KDM6B: variants seen among roughly 807,000 people sequenced by gnomAD.
KDM6B encodes the protein lysine-specific demethylase 6B.
Under a neutral mutation model 150.4 loss-of-function variants are expected in KDM6B, and 22 were observed. The observed-to-expected ratio is 0.15, with a 90% CI of 0.10 to 0.21. KDM6B has a LOEUF of 0.21. Among genes scored for constraint, KDM6B ranks in the 10% least tolerant of loss-of-function variants. The probability of loss-of-function intolerance (pLI) is 1.00; values close to 1 mark genes in which losing one functional copy is unlikely to be tolerated. For missense variants in KDM6B, 1,984 were observed against 2,234.3 expected (o/e 0.89, Z 2.26); for synonymous variants, 1,148 against 921.1 (o/e 1.25, Z -4.46).
chr17:7,852,647 T>C lies in KDM6B; in HGVS notation c.4610+11T>C. 1 of 1,613,968 alleles carries C rather than the reference T, an allele frequency of 6.2e-7. No homozygotes were observed. On this transcript the variant is annotated intron_variant, in intron 21 of 23. Transcript: ENST00000448097. ...GTTCAAGATGATCAAGTGAGGACCC[T>C]ATTTGGGTGGGAGCCCACCTCCACT...
In KDM6B at chr17:7,846,743, GT is replaced by G; in HGVS notation, c.711+4del. 1 of 1,614,064 alleles carries G rather than the reference GT, an allele frequency of 6.2e-7. No individual in the cohort carries two copies. The highest frequency in any genetic ancestry group is 8.5e-7 in the Non-Finnish European group (1 of 1,179,974). On this transcript the variant is annotated splice_donor_region_variant and intron_variant, in intron 9 of 23. Coordinates refer to ENST00000448097, the MANE Select transcript of KDM6B (RefSeq NM_001348716.2). ...GGAGAGGCTGCAACTCTGAACAGGT[GT>G]GGGTATAGGGGGGCCAGCAGGCAGT... is the stretch of plus-strand genomic sequence containing the variant.
Position 7,846,895 on chromosome 17 carries a change from C to CACCACT in KDM6B, c.791_792insACTACC (p.Leu265_Pro266dup). 1 of 1,600,114 alleles carries CACCACT rather than the reference C, an allele frequency of 6.2e-7. No homozygotes were observed. The highest frequency in any genetic ancestry group is 1.1e-5 in the South Asian group (1 of 90,450). On this transcript the variant is annotated inframe_insertion, in exon 10 of 24. Coordinates refer to ENST00000448097, the MANE Select transcript of KDM6B (RefSeq NM_001348716.2). ...CCACCACCACCACCACCACCACCAC[C>CACCACT]ACCCCTGCCTGGCCTGGCTACCAGC...
chr17:7,845,279 G>T (rs966244732), intron 3 of KDM6B, 35 bp from the exon 4 acceptor site: 2 of 577,476 alleles, frequency 3.5e-6, no homozygotes, highest in Admixed American at 5.9e-5. Context: ...ACTGTGTGCT[G>T]GCCAGCTCGT....
Position 7,853,681 on chromosome 17 carries a change from C to CTTTT in KDM6B, c.*172_*175dup. The CTTTT allele has an allele frequency of 3.1e-5, 10 of 320,924 alleles. No individual in the cohort carries two copies. Among genetic ancestry groups the CTTTT allele is most frequent in the Middle Eastern group, 9.0e-4 (1 of 1,112 alleles). 19.9% of individuals were successfully genotyped at this position (320,924 alleles called of 1,614,324 possible). On this transcript the variant is annotated 3_prime_UTR_variant, in exon 24 of 24. Transcript: ENST00000448097. ...CCCTCACTTAATTTATTAAGAAAAA[C>CTTTT]TTTTTTTTTTTTTTTAGCAAATATG...
rs1310579342 is a variant in KDM6B, at chr17:7,851,058, G to C, written c.3711G>C (p.Ala1237=). The stretch of plus-strand genomic sequence containing the variant: ...TCTCCACCAAGACCCTGGTGGAAGC[G>C]AGTGGCGAACACACCGTGGAAGTTC... ...GLFSTKTLVE[A]SGEHTVEVRT... is the part of the protein sequence containing the mutation. The change falls in exon 15 of 24, where the codon GCG becomes GCC. Residue 1237 remains alanine (A), a synonymous_variant. Coordinates refer to ENST00000448097, the MANE Select transcript of KDM6B (RefSeq NM_001348716.2). 2 of 1,612,666 alleles carry C rather than the reference G, an allele frequency of 1.2e-6. No homozygotes were observed. The highest frequency in any genetic ancestry group is 1.7e-6 in the Non-Finnish European group (2 of 1,179,750).
Position 7,853,675 on chromosome 17 carries a change from G to C in KDM6B, c.*154G>C. ...CAGCTCCCCTCACTTAATTTATTAA[G>C]AAAAACTTTTTTTTTTTTTTTAGCA... is the stretch of plus-strand genomic sequence containing the variant. On this transcript the variant is annotated 3_prime_UTR_variant, in exon 24 of 24. Coordinates refer to ENST00000448097, the MANE Select transcript of KDM6B (RefSeq NM_001348716.2). The C allele has an allele frequency of 4.9e-5, 15 of 305,320 alleles. No homozygotes were observed. The highest frequency in any genetic ancestry group is 6.1e-5 in the East Asian group (1 of 16,410). 18.9% of individuals were successfully genotyped at this position (305,320 alleles called of 1,614,324 possible).
At position 7,848,569 on chromosome 17, in the gene KDM6B, A is replaced by ACCACGG. The variant is rs753550798; in HGVS notation, c.2286_2291dup (p.Ala763_Thr764dup). On this transcript the variant is annotated inframe_insertion, in exon 12 of 24. Coordinates refer to ENST00000448097, the MANE Select transcript of KDM6B (RefSeq NM_001348716.2). ...CACCACCACCACCACCACCACCACC[A>ACCACGG]CCACGGCCACCCAGGAAGAGGAGAA... 1.9e-5 allele frequency: 29 copies of ACCACGG among 1,497,478 alleles called. No homozygotes were observed. The highest frequency in any genetic ancestry group is 2.6e-5 in the Non-Finnish European group (29 of 1,108,844). The allele number at this position is 1,497,478 out of a possible 1,614,324, so 92.8% of individuals were successfully genotyped here.
chr17:7,851,300 C>T (rs2078688415), intron 15 of KDM6B, 30 bp from the exon 16 acceptor site: 1 of 1,613,738 alleles, frequency 6.2e-7, no homozygotes, highest in Non-Finnish European at 8.5e-7. Context: ...AGGTCTCTGA[C>T]CCAGGCCTGC....
rs1306092186 is a variant in KDM6B, at chr17:7,843,259, CCGCCCCTGCCTCGGTACT to C, written c.-268-1639_-268-1622del. ...CACGTCTGGTTCTTGGGTCTCCTCC[CCGCCCCTGCCTCGGTACT>C]CGGGTGGGGGCAGTCACGGAGGGCC... On this transcript the variant is annotated intron_variant, in intron 2 of 23. Coordinates refer to ENST00000448097, the MANE Select transcript of KDM6B (RefSeq NM_001348716.2). The surrounding 1 kb of genome is among the most constrained non-coding windows in gnomAD (Gnocchi z 4.5). Among the ~76,000 whole-genome samples, 3 of 152,202 alleles carry C rather than the reference CCGCCCCTGCCTCGGTACT, an allele frequency of 2.0e-5. No individual in the cohort carries two copies. Among genetic ancestry groups the C allele is most frequent in the Admixed American group, 6.5e-5 (1 of 15,288 alleles).
chr17:7,836,725 C>A (rs750616804), intron 1 of KDM6B, among the ~76,000 whole-genome samples: 1 of 152,236 alleles, frequency 6.6e-6, no homozygotes, highest in African/African-American at 2.4e-5. Context: ...GAGATAAGGA[C>A]GCCTGGGTTT....
intron 1 of KDM6B, among the ~76,000 whole-genome samples, chr17:7,838,681 C>T (rs1350352076): frequency 1.4e-5 from 2 of 146,718 alleles, no homozygotes; most frequent in African/African-American, 5.1e-5. Flanking sequence ...TCTCGACTAG[C>T]CCTTTCCTAG....
chr17:7,835,872 C>T (rs2078326333), intron 1 of KDM6B, among the ~76,000 whole-genome samples: 3 of 152,124 alleles, frequency 2.0e-5, no homozygotes, highest in African/African-American at 7.2e-5. Flanking sequence ...CCCCTGGGGA[C>T]CCACACGTCT....
rs1401876897 is a variant in KDM6B, at chr17:7,846,492, G to A, written c.549G>A (p.Glu183=). 5.0e-6 allele frequency: 8 copies of A among 1,613,988 alleles called. No individual in the cohort carries two copies. The highest frequency in any genetic ancestry group is 6.8e-6 in the Non-Finnish European group (8 of 1,179,990). ...AAGTGTGGAACTTGCTACACCTTGA[G>A]GTGAGGCTGGCACTGGGTGGGTTAG... ...LEQVWNLLHL[E]HKRNYGAKRG... is the part of the protein sequence containing the mutation. The change falls in exon 8 of 24, where the codon GAG becomes GAA. Residue 183 remains glutamate, a splice_region_variant and synonymous_variant. Transcript: ENST00000448097.
intron 8 of KDM6B, 36 bp downstream of exon 8, chr17:7,846,528 C>T (rs919007432): frequency 3.7e-6 from 6 of 1,613,942 alleles, no homozygotes; most frequent in Non-Finnish European, 5.1e-6. Flanking sequence ...GGAGGAGAGC[C>T]AGGCTGTGCC....
Position 7,843,440 on chromosome 17 carries a change from C to T in KDM6B, c.-268-1461C>T, listed in dbSNP as rs1424387979. Among the ~76,000 whole-genome samples the T allele has an allele frequency of 6.6e-6, 1 of 152,188 alleles. No homozygotes were observed. On this transcript the variant is annotated intron_variant, in intron 2 of 23. Transcript: ENST00000448097. This position sits in a 1 kb window ranked among gnomAD's most constrained non-coding sequence, Gnocchi z 4.5. ...CGCGGGGCCCAAGCGACCACAAGGG[C>T]TTGGCGGAGAGTGGCACGCAGGGAC...
In KDM6B at chr17:7,849,394, C is replaced by T. The variant is rs2078643556; in HGVS notation, c.3106C>T (p.Pro1036Ser). Reference sequence around the variant, plus strand: ...GATCCAGGGTCGTGAGAAGTCCCGGCCCGATCTTGGCGGGGCCTCCAAGGC... The same window carrying T: ...GATCCAGGGTCGTGAGAAGTCCCGGTCCGATCTTGGCGGGGCCTCCAAGGC... ...EEIQGREKSR[P>S]DLGGASKAKP... The change falls in exon 12 of 24, where the codon CCC becomes TCC. Residue 1036 changes from proline (P) to serine (S), a missense_variant. Transcript: ENST00000448097. 1 of 1,611,132 alleles carries T rather than the reference C, an allele frequency of 6.2e-7. No individual in the cohort carries two copies. Among genetic ancestry groups the T allele is most frequent in the Non-Finnish European group, 8.5e-7 (1 of 1,179,416 alleles).
At chr17:7,846,371 G>GGGGCGGGCCCGGGGGCCC in intron 7 of KDM6B, 29 bp from the exon 8 acceptor site, 3 of 1,488,900 alleles carry the variant, frequency 2.0e-6, no homozygotes, top group Non-Finnish European at 1.8e-6. Context: ...CCTGACATCT[G>GGGGCGGGCCCGGGGGCCC]CCCCTGCCCC....
At position 7,844,991 on chromosome 17, in the gene KDM6B, G is replaced by GA; in HGVS notation, c.-178_-177insA. 2.2e-5 allele frequency: 4 copies of GA among 183,574 alleles called. No homozygotes were observed. The South Asian group carries it at 2.8e-4, about 13-fold the overall frequency. 11.4% of individuals were successfully genotyped at this position (183,574 alleles called of 1,614,324 possible). ...GGCCAGATCTCTGGAGCTTGCCGAC[G>GA]CGGTGTGAGGACGCTCCCACGGAGG... On this transcript the variant is annotated 5_prime_UTR_variant, in exon 3 of 24. Transcript: ENST00000448097. The surrounding 1 kb of genome is among the most constrained non-coding windows in gnomAD (Gnocchi z 5.9).
intron 21 of KDM6B, 46 bp from the exon 22 acceptor site, chr17:7,852,954 G>C: frequency 6.2e-7 from 1 of 1,612,770 alleles, no homozygotes. Context: ...CCTGCCTCAG[G>C]CCTCCTCCTT....
Sources: gnomAD v4.1 joint callset for allele counts (sites outside exome capture counted in the v4.1 genomes callset) on GRCh38, gnomAD v4.1.1 for gene constraint, Gnocchi (gnomAD v3.1) non-coding constraint, MANE v1.5 for transcripts, NCBI Gene and HGNC (gene_info 2026-07-23, HGNC 2026-07-21) for gene names.